Variants in CCDC30 observed in about 807,000 individuals in gnomAD.
CCDC30 encodes the protein coiled-coil domain-containing protein 30.
A neutral mutation model predicts 100.2 loss-of-function variants in CCDC30; 70 were observed. That is an observed-to-expected ratio of 0.70 (90% CI 0.58 to 0.85). The LOEUF (loss-of-function observed/expected upper bound fraction) is 0.85, where lower values mean the gene tolerates loss of function less well. Ranked by LOEUF, CCDC30 falls within the 40% of genes least tolerant of loss-of-function variation. The probability of loss-of-function intolerance (pLI) is 0.00; values close to 1 mark genes in which losing one functional copy is unlikely to be tolerated. For missense variants in CCDC30, 652 were observed against 771.2 expected (o/e 0.85, Z 1.83); for synonymous variants, 233 against 269.5 (o/e 0.86, Z 1.33).
rs115395667 is a variant in CCDC30 at position 42,553,889 on chromosome 1, A to G, written c.457-12407A>G. Among the ~76,000 whole-genome samples the G allele has an allele frequency of 6.2e-3, 951 of 152,248 alleles. 6 individuals carry two copies. The highest frequency in any genetic ancestry group is 0.021 in the African/African-American group (888 of 41,560). On this transcript the variant is annotated intron_variant, in intron 6 of 16. Transcript: ENST00000668663. ...TTAAAAACTGCTAAATTCAAAATAA[A>G]ATATTTATTTTTTATAGTATTAGAG...
Position 42,650,507 on chromosome 1 carries a change from G to A in CCDC30, c.1855-2869G>A, listed in dbSNP as rs866239297. ...TCTAAAAAAATATATATGTGTGTGTGTGTGTGTGTGTGTGTGTGTGTGTGT... is the reference window on the plus strand; with the variant it reads ...TCTAAAAAAATATATATGTGTGTGTATGTGTGTGTGTGTGTGTGTGTGTGT... On this transcript the variant is annotated intron_variant, in intron 15 of 16. Coordinates refer to ENST00000668663, the Ensembl canonical transcript of CCDC30. Among the ~76,000 whole-genome samples, 1,175 of 148,344 alleles carry A rather than the reference G, an allele frequency of 7.9e-3. 6 individuals are homozygous for A. The highest frequency in any genetic ancestry group is 0.022 in the African/African-American group (863 of 39,080).
chr1:42,508,222 T>C (rs1644424635), intron 6 of CCDC30, among the ~76,000 whole-genome samples: 1 of 152,164 alleles, frequency 6.6e-6, no homozygotes, highest in Admixed American at 6.5e-5. Context: ...AAGGGTGCCA[T>C]TTTATAGTGG....
At chr1:42,563,599 G>A (rs565248189) in intron 6 of CCDC30, among the ~76,000 whole-genome samples, 1 of 152,120 alleles carries the variant, frequency 6.6e-6, no homozygotes, top group Admixed American at 6.5e-5. Flanking sequence ...TTTAAAAAGT[G>A]GCTGGGCGCG....
At chr1:42,473,393 C>A in intron 1 of CCDC30, 2 of 738,996 alleles carry the variant, frequency 2.7e-6, no homozygotes, top group Non-Finnish European at 3.7e-6. Context: ...TAATGTTTGG[C>A]TATCACTGTA....
intron 6 of CCDC30, among the ~76,000 whole-genome samples, chr1:42,544,153 A>T (rs1423862732): frequency 6.6e-6 from 1 of 152,176 alleles, no homozygotes; most frequent in African/African-American, 2.4e-5. Context: ...TCAGCCTCCC[A>T]AAGTGCTAGG....
intron 4 of CCDC30, among the ~76,000 whole-genome samples, chr1:42,496,687 A>C (rs1388771783): frequency 6.6e-6 from 1 of 152,192 alleles, no homozygotes; most frequent in East Asian, 1.9e-4. Context: ...TTGTTCTAAG[A>C]ACAGATATAT....
chr1:42,531,798 A>T (rs1644810042), intron 6 of CCDC30, among the ~76,000 whole-genome samples: 1 of 152,180 alleles, frequency 6.6e-6, no homozygotes, highest in South Asian at 2.1e-4. Context: ...TTCTCCAAAG[A>T]ACCCTGTCAA....
chr1:42,516,496 G>A (rs1199062828), intron 6 of CCDC30, among the ~76,000 whole-genome samples: 2 of 151,302 alleles, frequency 1.3e-5, no homozygotes, highest in African/African-American at 4.9e-5. Context: ...GAACCCAGGA[G>A]GTGGAGGTTG....
intron 16 of CCDC30, 88 bp from the exon 21 acceptor site, chr1:42,653,730 A>G (rs1014051447): frequency 3.2e-6 from 3 of 938,272 alleles, no homozygotes; most frequent in Non-Finnish European, 4.9e-6. Flanking sequence ...AAAAAATTGA[A>G]ATTCTATCAA....
chr1:42,481,385 G>A (rs1314500330), intron 2 of CCDC30, among the ~76,000 whole-genome samples: 1 of 151,970 alleles, frequency 6.6e-6, no homozygotes, highest in African/African-American at 2.4e-5. Context: ...AGACCTGCCT[G>A]GCCAACATGG....
intron 3 of CCDC30, among the ~76,000 whole-genome samples, chr1:42,483,645 T>A (rs1644000723): frequency 6.6e-6 from 1 of 152,222 alleles, no homozygotes; most frequent in Non-Finnish European, 1.5e-5. Context: ...TTGTTGTTGT[T>A]GTTACTCGTT....
chr1:42,622,098 C>G (rs1646849712), intron 11 of CCDC30, among the ~76,000 whole-genome samples: 1 of 152,180 alleles, frequency 6.6e-6, no homozygotes, highest in Non-Finnish European at 1.5e-5. Flanking sequence ...CACTACTCTT[C>G]CCAGTCTCTG....
At chr1:42,593,188 G>C (rs1341686979) in intron 10 of CCDC30, 1 of 152,162 alleles carries the variant, frequency 6.6e-6, no homozygotes, top group Non-Finnish European at 1.5e-5. Context: ...CCAGGTTTTT[G>C]CTTATGCTTC....
intron 6 of CCDC30, among the ~76,000 whole-genome samples, chr1:42,565,916 G>GACACAC (rs10624633): frequency 1.3e-5 from 2 of 149,878 alleles, no homozygotes; most frequent in African/African-American, 2.4e-5. Flanking sequence ...ACACCACACA[G>GACACAC]ACACACACAC....
chr1:42,626,449 C>G (rs1646935542), intron 11 of CCDC30, among the ~76,000 whole-genome samples: 1 of 152,094 alleles, frequency 6.6e-6, no homozygotes, highest in Admixed American at 6.6e-5. Flanking sequence ...TCCTTTCCTT[C>G]CTGTCTTTCC....
At chr1:42,578,992 T>TTTTTTG (rs1159179102) in intron 8 of CCDC30, among the ~76,000 whole-genome samples, 3 of 152,022 alleles carry the variant, frequency 2.0e-5, no homozygotes, top group Admixed American at 6.6e-5. Context: ...AGAATTAACT[T>TTTTTTG]TTTTTGTTTT....
intron 10 of CCDC30, chr1:42,590,101 G>A (rs1185416733): frequency 6.6e-6 from 1 of 152,162 alleles, no homozygotes; most frequent in Non-Finnish European, 1.5e-5. Context: ...ATGTTTAAAA[G>A]TGTGTGGCAC....
At chr1:42,621,923 G>A (rs11581870) in intron 11 of CCDC30, among the ~76,000 whole-genome samples, 2,648 of 151,938 alleles carry the variant, frequency 0.017, 71 homozygotes, top group African/African-American at 0.061. Context: ...CTGGGATTAC[G>A]GGTGTGAGCC....
At chr1:42,572,695 C>T (rs1645756910) in intron 7 of CCDC30, among the ~76,000 whole-genome samples, 1 of 152,182 alleles carries the variant, frequency 6.6e-6, no homozygotes, top group African/African-American at 2.4e-5. Context: ...TGGCCCACTG[C>T]AACATCTGCC....
Sources: gnomAD v4.1 joint callset for allele counts (sites outside exome capture counted in the v4.1 genomes callset) on GRCh38, gnomAD v4.1.1 for gene constraint, MANE v1.5 for transcripts, NCBI Gene and HGNC (gene_info 2026-07-23, HGNC 2026-07-21) for gene names.